The following PPM1D variants were observed in gnomAD, a reference collection of about 807,000 sequenced individuals.
PPM1D encodes protein phosphatase 1D.
PPM1D carries 52 observed loss-of-function variants against 58.3 expected under a neutral mutation model. The ratio of observed to expected loss-of-function variants is 0.89; its 90% CI spans 0.71 to 1.12. The LOEUF (loss-of-function observed/expected upper bound fraction) is 1.12, where lower values mean the gene tolerates loss of function less well. PPM1D is among the 50% of genes most tolerant of loss of function. The pLI is 0.00. For missense variants in PPM1D, 564 were observed against 777.2 expected (o/e 0.73, Z 3.26); for synonymous variants, 278 against 285.1 (o/e 0.98, Z 0.25).
At chr17:60,616,444 C>G (rs2030587032) in intron 1 of PPM1D, among the ~76,000 whole-genome samples, 1 of 151,982 alleles carries the variant, frequency 6.6e-6, no homozygotes, top group Admixed American at 6.6e-5. Context: ...CCCGTCTCTA[C>G]TAAAAATACA....
chr17:60,612,052 A>T (rs1281501745), intron 1 of PPM1D, among the ~76,000 whole-genome samples: 1 of 151,890 alleles, frequency 6.6e-6, no homozygotes, highest in Non-Finnish European at 1.5e-5. Flanking sequence ...TAAAAAAAGA[A>T]AACAGATTTA....
intron 1 of PPM1D, among the ~76,000 whole-genome samples, chr17:60,611,874 G>C: frequency 6.6e-6 from 1 of 152,068 alleles, no homozygotes; most frequent in East Asian, 1.9e-4. Flanking sequence ...GATATCTCAT[G>C]TTTTTAAAGA....
At chr17:60,645,572 G>GTA (rs199951856) in intron 3 of PPM1D, among the ~76,000 whole-genome samples, 74 of 119,182 alleles carry the variant, frequency 6.2e-4, no homozygotes, top group East Asian at 1.0e-3. Flanking sequence ...GTATATATAT[G>GTA]TATATATATA....
chr17:60,642,292 G>C (rs2031149252), intron 3 of PPM1D, among the ~76,000 whole-genome samples: 1 of 146,310 alleles, frequency 6.8e-6, no homozygotes, highest in South Asian at 2.1e-4. Context: ...AAAAAATATT[G>C]AATAAAAAAG....
At chr17:60,643,336 G>T (rs539763267) in intron 3 of PPM1D, among the ~76,000 whole-genome samples, 50 of 151,640 alleles carry the variant, frequency 3.3e-4, no homozygotes, top group Non-Finnish European at 6.8e-4. Flanking sequence ...AGCCATGATC[G>T]CACCAATGCA....
At chr17:60,655,120 CAT>C (rs1454276634) in intron 4 of PPM1D, among the ~76,000 whole-genome samples, 1 of 152,110 alleles carries the variant, frequency 6.6e-6, no homozygotes, top group Non-Finnish European at 1.5e-5. Context: ...ACTTTTTCCT[CAT>C]ATGAGTGACA....
At chr17:60,646,989 G>T (rs1371073604) in intron 3 of PPM1D, among the ~76,000 whole-genome samples, 1 of 152,180 alleles carries the variant, frequency 6.6e-6, no homozygotes, top group Non-Finnish European at 1.5e-5. Flanking sequence ...CTGATCTAGA[G>T]ATTAACAGGA....
At position 60,600,309 on chromosome 17, in the gene PPM1D, G is replaced by C; in HGVS notation, c.-106G>C. ...CCGGGTCCGCCCCCTCCCCCTTCTC[G>C]GCGTCGTCGAAGATAAACAATAGTT... On this transcript the variant is annotated 5_prime_UTR_variant, in exon 1 of 6. Transcript: ENST00000305921. The C allele has an allele frequency of 6.9e-7, 1 of 1,455,758 alleles. No individual in the cohort carries two copies. The highest frequency in any genetic ancestry group is 9.0e-7 in the Non-Finnish European group (1 of 1,110,300). The allele number at this position is 1,455,758 out of a possible 1,614,324, so 90.2% of individuals were successfully genotyped here.
At chr17:60,655,847 A>G (rs560417973) in intron 4 of PPM1D, among the ~76,000 whole-genome samples, 145 of 151,594 alleles carry the variant, frequency 9.6e-4, no homozygotes, top group Non-Finnish European at 1.9e-3. Flanking sequence ...GACTACAGGC[A>G]TGTGCCGTCG....
chr17:60,638,447 C>T (rs1020130242), intron 3 of PPM1D, among the ~76,000 whole-genome samples: 25 of 152,028 alleles, frequency 1.6e-4, no homozygotes, highest in African/African-American at 5.8e-4. Context: ...CAGCTCACTG[C>T]AACTTCCGCC....
chr17:60,600,323 T>TA lies in PPM1D; in HGVS notation c.-89dup. The TA allele has an allele frequency of 1.3e-6, 2 of 1,484,484 alleles. No homozygotes were observed. Among genetic ancestry groups the TA allele is most frequent in the Non-Finnish European group, 1.8e-6 (2 of 1,122,214 alleles). The allele number at this position is 1,484,484 out of a possible 1,614,324, so 92.0% of individuals were successfully genotyped here. A position where few individuals can be genotyped will look rare whatever the true frequency, so the allele number is the denominator to read the frequency against. ...TCCCCCTTCTCGGCGTCGTCGAAGA[T>TA]AAACAATAGTTGGCCGGCGAGCGCC... On this transcript the variant is annotated 5_prime_UTR_variant, in exon 1 of 6. Transcript: ENST00000305921.
chr17:60,636,411 C>T (rs1181387421), intron 3 of PPM1D, among the ~76,000 whole-genome samples: 21 of 152,130 alleles, frequency 1.4e-4, no homozygotes, highest in Non-Finnish European at 2.9e-4. Context: ...AATTCCTGCA[C>T]CCATGGAGCT....
At chr17:60,638,455 G>A (rs1001164414) in intron 3 of PPM1D, among the ~76,000 whole-genome samples, 9 of 151,812 alleles carry the variant, frequency 5.9e-5, no homozygotes, top group Admixed American at 1.3e-4. Flanking sequence ...TGCAACTTCC[G>A]CCTCCCCGGC....
At chr17:60,654,706 A>G (rs2031402656) in intron 4 of PPM1D, among the ~76,000 whole-genome samples, 1 of 151,634 alleles carries the variant, frequency 6.6e-6, no homozygotes, top group African/African-American at 2.4e-5. Context: ...TACTAAAAAT[A>G]CAAAAAAAAA....
At chr17:60,657,036 T>C in intron 5 of PPM1D, 195 bp downstream of exon 5, 1 of 1,487,166 alleles carries the variant, frequency 6.7e-7, no homozygotes, top group South Asian at 1.3e-5. Context: ...ACAGCACTAA[T>C]AAAAAGGTGA....
Position 60,665,755 on chromosome 17 carries a change from A to G in PPM1D, c.*2203A>G, listed in dbSNP as rs1176885331. The stretch of plus-strand genomic sequence containing the variant: ...TTTGGTCAAGCTACCAACCAGGGCT[A>G]CAATCTTTCGAAGGTGTCATTGGGG... On this transcript the variant is annotated 3_prime_UTR_variant, in exon 6 of 6. Transcript: ENST00000305921. 1 of 152,206 alleles carries G rather than the reference A, an allele frequency of 6.6e-6. No homozygotes were observed. The highest frequency in any genetic ancestry group is 2.4e-5 in the African/African-American group (1 of 41,448). The allele number at this position is 152,206 out of a possible 1,614,324, so 9.4% of individuals were successfully genotyped here.
chr17:60,633,361 C>T (rs949941451), intron 2 of PPM1D, among the ~76,000 whole-genome samples: 7 of 152,106 alleles, frequency 4.6e-5, no homozygotes, highest in Non-Finnish European at 1.5e-5. Flanking sequence ...ACTCAGAACC[C>T]TATAACCTTT....
chr17:60,661,349 AT>A (rs1323170877), intron 5 of PPM1D, among the ~76,000 whole-genome samples: 1 of 150,758 alleles, frequency 6.6e-6, no homozygotes, highest in Admixed American at 6.6e-5. Flanking sequence ...ATTTTGATAC[AT>A]TTGATTGAGA....
intron 2 of PPM1D, among the ~76,000 whole-genome samples, chr17:60,624,999 G>A (rs530871617): frequency 1.3e-4 from 19 of 151,916 alleles, no homozygotes; most frequent in African/African-American, 3.6e-4. Flanking sequence ...GAAATTAGCC[G>A]GGCGTGGCAG....
Sources: gnomAD v4.1 joint callset for allele counts (sites outside exome capture counted in the v4.1 genomes callset) on GRCh38, gnomAD v4.1.1 for gene constraint, MANE v1.5 for transcripts, NCBI Gene and HGNC (gene_info 2026-07-23, HGNC 2026-07-21) for gene names.